Variants in KCNQ5 observed in about 807,000 individuals in gnomAD.
KCNQ5 encodes potassium voltage-gated channel subfamily Q member 5, also known as potassium voltage-gated channel subfamily KQT member 5.
A neutral mutation model predicts 98.2 loss-of-function variants in KCNQ5; 30 were observed. The observed-to-expected ratio is 0.31, with a 90% CI of 0.23 to 0.41. The LOEUF is 0.41. KCNQ5 is among the 10% of genes least tolerant of loss of function. The probability of loss-of-function intolerance (pLI) is 1.00; values close to 1 mark genes in which losing one functional copy is unlikely to be tolerated. For synonymous variants in KCNQ5, 458 were observed against 449.4 expected, an observed-to-expected ratio of 1.02 and a Z score of -0.24; for missense variants, 835 against 1,182.5, an observed-to-expected ratio of 0.71 and a Z score of 4.31.
chr6:73,042,306 G>A, intron 3 of KCNQ5: 1 of 503,260 alleles, frequency 2.0e-6, no homozygotes, highest in South Asian at 2.1e-5. Context: ...GACGGAGTTA[G>A]TTGCTGAATG....
intron 3 of KCNQ5, 92 bp from the exon 4 acceptor site, chr6:73,077,230 A>G: frequency 1.6e-6 from 2 of 1,272,836 alleles, no homozygotes; most frequent in South Asian, 2.7e-5. Flanking sequence ...TGTACCTTAA[A>G]TAGGTCAAAG....
intron 1 of KCNQ5, among the ~76,000 whole-genome samples, chr6:72,697,966 A>T (rs972695374): frequency 5.3e-5 from 8 of 152,178 alleles, no homozygotes; most frequent in African/African-American, 1.9e-4. Flanking sequence ...CTGTAATCCC[A>T]GTACTTTGGG....
intron 1 of KCNQ5, among the ~76,000 whole-genome samples, chr6:72,942,614 A>G (rs1255807852): frequency 6.6e-6 from 1 of 152,244 alleles, no homozygotes; most frequent in African/African-American, 2.4e-5. Flanking sequence ...GAAAATTTGA[A>G]TACAGAAGTG....
chr6:72,772,362 G>A (rs911205550), intron 1 of KCNQ5, among the ~76,000 whole-genome samples: 1 of 152,036 alleles, frequency 6.6e-6, no homozygotes, highest in African/African-American at 2.4e-5. Flanking sequence ...TTGTTGAAAA[G>A]AATGATAATG....
At chr6:72,651,097 T>C (rs932511133) in intron 1 of KCNQ5, among the ~76,000 whole-genome samples, 6 of 152,134 alleles carry the variant, frequency 3.9e-5, no homozygotes, top group Admixed American at 3.9e-4. Context: ...TTCTGCCTTC[T>C]TCCTATCTTG....
Position 73,192,627 on chromosome 6 carries a change from C to T in KCNQ5, c.1772C>T (p.Thr591Ile), listed in dbSNP as rs145183726. The stretch of plus-strand genomic sequence containing the variant: ...GATAAGAAGAGCCGAGAGAAAATAA[C>T]AGCAGAACATGAGACCACAGACGAT... The part of the protein sequence containing the change: ...TSDKKSREKI[T>I]AEHETTDDLS... The change falls in exon 13 of 14, where the codon ACA becomes ATA. Residue 591 changes from threonine to isoleucine, a missense_variant. By Grantham distance (89) the Thr-to-Ile change is moderately conservative. Around this residue, in one of 10 missense-constraint regions of KCNQ5, gnomAD observed 416 missense variants for 446.9 expected, o/e 0.93. Transcript: ENST00000370398. The T allele has an allele frequency of 4.3e-6, 7 of 1,612,842 alleles. No individual in the cohort carries two copies. Among genetic ancestry groups the T allele is most frequent in the Non-Finnish European group, 5.1e-6 (6 of 1,179,380 alleles).
chr6:72,987,412 C>T (rs1460447322), intron 1 of KCNQ5: 4 of 703,804 alleles, frequency 5.7e-6, no homozygotes, highest in African/African-American at 1.7e-5. Flanking sequence ...AGGAAGTGGA[C>T]GGGAACCTAG....
chr6:73,195,148 C>T lies in KCNQ5; in HGVS notation c.2533C>T (p.Gln845Ter), dbSNP rs761927192. 6.2e-7 allele frequency: 1 copy of T among 1,614,204 alleles called. No individual in the cohort carries two copies. The highest frequency in any genetic ancestry group is 1.7e-5 in the Admixed American group (1 of 60,020). The stretch of plus-strand genomic sequence containing the variant: ...CAGGTCGACCGAGGAACTGAATATA[C>T]AACTTTCAGGGAGTGAGTCAAGTGG... ...LIRSTEELNI[Q>*]LSGSESSGSR... is the part of the protein sequence containing the mutation. Residue 845 changes from glutamine (Q) to a stop codon, truncating the protein, a stop_gained, in exon 14 of 14, where the codon CAA becomes TAA. Transcript: ENST00000370398. LOFTEE classifies it high-confidence loss of function.
At chr6:73,149,606 G>A (rs1408431474) in intron 10 of KCNQ5, among the ~76,000 whole-genome samples, 3 of 152,080 alleles carry the variant, frequency 2.0e-5, no homozygotes, top group Non-Finnish European at 4.4e-5. Flanking sequence ...GACCAGCCTG[G>A]CCAACATGGT....
chr6:72,832,042 T>C (rs1776298142), intron 1 of KCNQ5, among the ~76,000 whole-genome samples: 1 of 152,146 alleles, frequency 6.6e-6, no homozygotes. Flanking sequence ...ATTAATTGCC[T>C]ACAGGTGATA....
At chr6:72,847,487 T>A (rs980657155) in intron 1 of KCNQ5, among the ~76,000 whole-genome samples, 1 of 152,134 alleles carries the variant, frequency 6.6e-6, no homozygotes, top group African/African-American at 2.4e-5. Flanking sequence ...GTGGTGGTGA[T>A]TGGGGGTGGA....
At chr6:72,705,896 G>T (rs1394234391) in intron 1 of KCNQ5, among the ~76,000 whole-genome samples, 5 of 151,838 alleles carry the variant, frequency 3.3e-5, no homozygotes, top group Admixed American at 3.3e-4. Flanking sequence ...ATTTTTTTGG[G>T]TATTGCTTCT....
chr6:72,811,324 G>A (rs1775232303), intron 1 of KCNQ5, among the ~76,000 whole-genome samples: 1 of 152,132 alleles, frequency 6.6e-6, no homozygotes, highest in Non-Finnish European at 1.5e-5. Flanking sequence ...CTCTGCTCAG[G>A]CTTCCTGAAT....
At chr6:73,193,592 T>C (rs1209900515) in intron 13 of KCNQ5, among the ~76,000 whole-genome samples, 2 of 151,738 alleles carry the variant, frequency 1.3e-5, no homozygotes, top group East Asian at 3.9e-4. Flanking sequence ...TGCATCTTCA[T>C]ATACAAAGAC....
Position 73,111,461 on chromosome 6 carries a change from C to A in KCNQ5, c.1125+58C>A. The A allele has an allele frequency of 4.6e-6, 5 of 1,098,408 alleles. No individual in the cohort carries two copies. In the South Asian group the frequency reaches 7.0e-5, roughly 15 times the overall value. The allele number at this position is 1,098,408 out of a possible 1,614,324, so 68.0% of individuals were successfully genotyped here. A position where few individuals can be genotyped will look rare whatever the true frequency, so the allele number is the denominator to read the frequency against. On this transcript the variant is annotated intron_variant, in intron 7 of 13. Coordinates refer to ENST00000370398, the MANE Select transcript of KCNQ5 (RefSeq NM_019842.4). ...TTTGTGTCCATAGTGCTTGATGGGT[C>A]ATTTTCCAATCTCTGTGCTTCATTG...
At chr6:72,990,611 A>G (rs911384236) in intron 1 of KCNQ5, among the ~76,000 whole-genome samples, 1 of 129,876 alleles carries the variant, frequency 7.7e-6, no homozygotes, top group African/African-American at 3.0e-5. Context: ...AAACAGGGAC[A>G]ATTTGACTTT....
At chr6:72,682,268 C>T (rs766157632) in intron 1 of KCNQ5, among the ~76,000 whole-genome samples, 8 of 152,164 alleles carry the variant, frequency 5.3e-5, no homozygotes, top group Admixed American at 1.3e-4. Context: ...TAGTTCTCCA[C>T]GGTCTTCTCC....
intron 1 of KCNQ5, among the ~76,000 whole-genome samples, chr6:72,672,965 A>G (rs1767210013): frequency 2.6e-5 from 4 of 152,208 alleles, no homozygotes; most frequent in Admixed American, 2.6e-4. Flanking sequence ...AAAGCACTTG[A>G]AAACTACTCC....
At chr6:72,852,662 A>ATATATATATATATATATATAG (rs1389810749) in intron 1 of KCNQ5, among the ~76,000 whole-genome samples, 1 of 38,336 alleles carries the variant, frequency 2.6e-5, no homozygotes, top group Admixed American at 2.6e-4. Context: ...TATATATATA[A>ATATATATATATATATATATAG]ATGGCACTTA....
Sources: allele counts gnomAD v4.1 joint callset (sites outside exome capture counted in the v4.1 genomes callset), GRCh38; gene constraint gnomAD v4.1.1; regional missense constraint gnomAD v4.1.1; transcripts MANE v1.5; gene names NCBI Gene and HGNC (gene_info 2026-07-23, HGNC 2026-07-21).